The following SFMBT2 variants were observed in gnomAD, a reference collection of about 807,000 sequenced individuals.
SFMBT2 encodes the protein scm-like with four MBT domains protein 2.
SFMBT2 carries 38 observed loss-of-function variants against 110.1 expected under a neutral mutation model. That is an observed-to-expected ratio of 0.35 (90% CI 0.27 to 0.45). The LOEUF is 0.45. SFMBT2 is among the 20% of genes least tolerant of loss of function. SFMBT2 has a pLI of 1.00. For missense variants in SFMBT2, 1,011 were observed against 1,094.9 expected (o/e 0.92, Z 1.08); for synonymous variants, 425 against 425.4 (o/e 1.00, Z 0.01).
intron 14 of SFMBT2, chr10:7,197,905 CA>C: frequency 1.1e-6 from 1 of 910,512 alleles, no homozygotes; most frequent in Middle Eastern, 5.6e-4. Flanking sequence ...ATTAGGAGGC[CA>C]CACTCTAGTT....
At chr10:7,305,556 G>C (rs1423120856) in intron 4 of SFMBT2, among the ~76,000 whole-genome samples, 1 of 152,318 alleles carries the variant, frequency 6.6e-6, no homozygotes, top group South Asian at 2.1e-4. Context: ...CATTATGGTA[G>C]GCATGATGCA....
chr10:7,172,640 T>G lies in SFMBT2; in HGVS notation c.2006A>C (p.Lys669Thr). 1 of 1,614,126 alleles carries G rather than the reference T, an allele frequency of 6.2e-7. No individual in the cohort carries two copies. The highest frequency in any genetic ancestry group is 8.5e-7 in the Non-Finnish European group (1 of 1,180,004). Residue 669 changes from lysine to threonine, a missense_variant, in exon 18 of 21, where the codon AAG becomes ACG. Coordinates refer to ENST00000397167, the MANE Select transcript of SFMBT2 (RefSeq NM_001387889.1). This position sits in a 1 kb window ranked among gnomAD's most constrained non-coding sequence, Gnocchi z 4.6. ...TKYTYYYGKR[K>T]KISKPPIGES... ...CCCGATGGGGGGCTTGGAGATCTTC[T>G]TTCTCTTTCCATAGTAATAGGCTGT...
chr10:7,307,013 TG>T (rs1842717251), intron 4 of SFMBT2, among the ~76,000 whole-genome samples: 1 of 152,160 alleles, frequency 6.6e-6, no homozygotes, highest in Admixed American at 6.5e-5. Flanking sequence ...TAGGGCAAAA[TG>T]TCCTTTAAGT....
chr10:7,306,206 G>C (rs1228232916), intron 4 of SFMBT2, among the ~76,000 whole-genome samples: 1 of 152,240 alleles, frequency 6.6e-6, no homozygotes, highest in East Asian at 1.9e-4. Flanking sequence ...GGCACACACA[G>C]AGTGCTCTCC....
rs911325289 is a variant in SFMBT2 at position 7,348,433 on chromosome 10, T to G, written c.436+19216A>C. ...TCTTCATAACTACTGTGTAAATATGTCATTAAGGGCTTTTCAAAAAATTGA... is the reference window on the plus strand; with the variant it reads ...TCTTCATAACTACTGTGTAAATATGGCATTAAGGGCTTTTCAAAAAATTGA... On this transcript the variant is annotated intron_variant, in intron 4 of 20. Coordinates refer to ENST00000397167, the MANE Select transcript of SFMBT2 (RefSeq NM_001387889.1). 6.0e-6 allele frequency: 6 copies of G among 998,976 alleles called. No individual in the cohort carries two copies. The African/African-American group carries it at 8.4e-5, about 14-fold the overall frequency. 61.9% of individuals were successfully genotyped at this position (998,976 alleles called of 1,614,324 possible).
intron 4 of SFMBT2, chr10:7,287,515 C>A (rs935569401): frequency 1.4e-5 from 3 of 214,164 alleles, no homozygotes; most frequent in African/African-American, 7.0e-5. Flanking sequence ...CACTGGGCTA[C>A]ACCTGCATCC....
At chr10:7,312,988 G>A (rs1025035062) in intron 4 of SFMBT2, among the ~76,000 whole-genome samples, 1 of 152,056 alleles carries the variant, frequency 6.6e-6, no homozygotes, top group Non-Finnish European at 1.5e-5. Context: ...TCCACCTCGG[G>A]AGAAATAAAC....
At position 7,320,549 on chromosome 10, in the gene SFMBT2, G is replaced by A. The variant is rs1588446173; in HGVS notation, c.437-34595C>T. ...TATGAAAGGAACCATTTCACTATAG[G>A]AAGTAAGATCAACAATTGCAGAGAA... On this transcript the variant is annotated intron_variant, in intron 4 of 20. Coordinates refer to ENST00000397167, the MANE Select transcript of SFMBT2 (RefSeq NM_001387889.1). 7.3e-6 allele frequency: 7 copies of A among 964,586 alleles called. No homozygotes were observed. In the African/African-American group the frequency reaches 1.2e-4, roughly 17 times the overall value. The allele number at this position is 964,586 out of a possible 1,614,324, so 59.8% of individuals were successfully genotyped here. A position where few individuals can be genotyped will look rare whatever the true frequency, so the allele number is the denominator to read the frequency against.
chr10:7,384,623 G>C (rs1198599362), intron 1 of SFMBT2, among the ~76,000 whole-genome samples: 4 of 152,128 alleles, frequency 2.6e-5, no homozygotes, highest in African/African-American at 9.7e-5. Flanking sequence ...ACTAAATGAA[G>C]GAACCTTTTA....
chr10:7,266,631 GC>G (rs1193360752), intron 7 of SFMBT2, among the ~76,000 whole-genome samples: 2 of 152,228 alleles, frequency 1.3e-5, no homozygotes, highest in African/African-American at 4.8e-5. Context: ...GGAGGCAGGA[GC>G]AAAAGTGGGG....
intron 10 of SFMBT2, among the ~76,000 whole-genome samples, chr10:7,224,164 C>A (rs983680414): frequency 3.9e-5 from 6 of 152,128 alleles, no homozygotes; most frequent in Non-Finnish European, 7.3e-5. Flanking sequence ...GTTGTGGCGA[C>A]TCTGGATTAC....
chr10:7,260,134 T>C (rs1443949501), intron 7 of SFMBT2, among the ~76,000 whole-genome samples: 12 of 152,080 alleles, frequency 7.9e-5, no homozygotes, highest in Non-Finnish European at 2.9e-5. Flanking sequence ...CAGCAATGGG[T>C]TCTCTGTTTG....
intron 9 of SFMBT2, among the ~76,000 whole-genome samples, chr10:7,235,370 C>T (rs368995377): frequency 6.6e-6 from 1 of 152,088 alleles, no homozygotes; most frequent in African/African-American, 2.4e-5. Flanking sequence ...AATCACAAAC[C>T]ACATAAGGAA....
At chr10:7,205,259 ACTT>A (rs1348594774) in intron 12 of SFMBT2, 3 of 269,802 alleles carry the variant, frequency 1.1e-5, no homozygotes, top group Non-Finnish European at 1.7e-5. Flanking sequence ...TTATATATGT[ACTT>A]CTTTTTTTAC....
chr10:7,342,565 C>T (rs888101405), intron 4 of SFMBT2, among the ~76,000 whole-genome samples: 6 of 152,004 alleles, frequency 3.9e-5, no homozygotes, highest in East Asian at 1.9e-4. Context: ...CCCGCCACCG[C>T]GCCCAGCTAA....
chr10:7,248,237 C>T (rs1392596736), intron 8 of SFMBT2, among the ~76,000 whole-genome samples: 1 of 152,184 alleles, frequency 6.6e-6, no homozygotes. Context: ...TTACTACTAC[C>T]CATGCAGGAA....
rs1407348328 is a variant in SFMBT2, at chr10:7,390,190, C to T, written c.-51-8241G>A. Among the ~76,000 whole-genome samples the T allele has an allele frequency of 3.9e-5, 6 of 152,082 alleles. No homozygotes were observed. In the East Asian group the frequency reaches 1.2e-3, roughly 29 times the overall value. On this transcript the variant is annotated intron_variant, in intron 1 of 20. Coordinates refer to ENST00000397167, the MANE Select transcript of SFMBT2 (RefSeq NM_001387889.1). Reference sequence around the variant, plus strand: ...GGACCTGAATTTTAATTTTAATGACCTTGAATTGAACTAGGCACATGTGGG... The same window carrying T: ...GGACCTGAATTTTAATTTTAATGACTTTGAATTGAACTAGGCACATGTGGG...
At chr10:7,181,276 C>T (rs1838240541) in intron 16 of SFMBT2, among the ~76,000 whole-genome samples, 1 of 148,632 alleles carries the variant, frequency 6.7e-6, no homozygotes, top group African/African-American at 2.5e-5. Context: ...CATCCCTAAT[C>T]AGAAAATCTG....
chr10:7,198,062 T>C, intron 14 of SFMBT2: 1 of 985,428 alleles, frequency 1.0e-6, no homozygotes, highest in Non-Finnish European at 1.2e-6. Context: ...GAATCTGGTG[T>C]TCATCATGCC....
Sources: allele counts gnomAD v4.1 joint callset (sites outside exome capture counted in the v4.1 genomes callset), GRCh38; gene constraint gnomAD v4.1.1; non-coding constraint Gnocchi (gnomAD v3.1); transcripts MANE v1.5; gene names NCBI Gene and HGNC (gene_info 2026-07-23, HGNC 2026-07-21).